The following OSMR variants were observed in gnomAD, a reference collection of about 807,000 sequenced individuals.
OSMR encodes the protein oncostatin M receptor, also known as oncostatin-M-specific receptor subunit beta.
Under a neutral mutation model 99.9 loss-of-function variants are expected in OSMR, and 81 were observed. The observed-to-expected ratio is 0.81, with a 90% confidence interval of 0.68 to 0.97. The LOEUF is 0.97. OSMR is among the 50% of genes least tolerant of loss of function. The pLI is 0.00. For synonymous variants in OSMR, 406 were observed against 410.4 expected (o/e 0.99, Z 0.13); for missense variants, 1,099 against 1,153.4 (o/e 0.95, Z 0.68).
Position 38,884,022 on chromosome 5 carries a change from T to C in OSMR, c.614T>C (p.Phe205Ser). 6.2e-7 allele frequency: 1 copy of C among 1,613,894 alleles called. No individual in the cohort carries two copies. The highest frequency in any genetic ancestry group is 1.3e-5 in the African/African-American group (1 of 75,054). Residue 205 changes from phenylalanine to serine, a missense_variant, in exon 5 of 18, where the codon TTC (phenylalanine) becomes TCC (serine). By Grantham distance (155) the Phe-to-Ser change is radical (BLOSUM62 -2). Coordinates refer to ENST00000274276, the MANE Select transcript of OSMR (RefSeq NM_003999.3). ...GCATTCAACTTGAATAGTGTGCCTT[T>C]CATTAGGAATAAAGGGACAAATATC... ...VTAFNLNSVPFIRNKGTNIYC... is the reference protein window; with the variant it reads ...VTAFNLNSVPSIRNKGTNIYC...
At chr5:38,944,347 T>TGTA in intron 2 of OSMR, 1 of 1,217,198 alleles carries the variant, frequency 8.2e-7, no homozygotes, top group South Asian at 1.3e-5. Context: ...GAACTACTGA[T>TGTA]GTAAGTTAAC....
chr5:38,925,207 G>C lies in OSMR; in HGVS notation c.2048G>C (p.Gly683Ala). 6.2e-7 allele frequency: 1 copy of C among 1,613,792 alleles called. No homozygotes were observed. The highest frequency in any genetic ancestry group is 8.5e-7 in the Non-Finnish European group (1 of 1,179,888). Reference sequence around the variant, plus strand: ...AAAACCATTTAAAAAATCACAGATGGTTCAGAATGTTGCAAATACAAAATT... The same window carrying C: ...AAAACCATTTAAAAAATCACAGATGCTTCAGAATGTTGCAAATACAAAATT... ...PRFEKAVLSDGSECCKYKIDN... is the reference protein window; with the variant it reads ...PRFEKAVLSDASECCKYKIDN... Residue 683 changes from glycine (G) to alanine (A), a missense_variant, in exon 15 of 18, where the codon GGT (glycine) becomes GCT (alanine). By Grantham distance (60) the Gly-to-Ala change is moderately conservative. Transcript: ENST00000274276.
At chr5:38,893,138 C>T (rs954775716) in intron 7 of OSMR, among the ~76,000 whole-genome samples, 1 of 152,330 alleles carries the variant, frequency 6.6e-6, no homozygotes, top group Non-Finnish European at 1.5e-5. Context: ...GGCTCTTACC[C>T]GCAAGTGTCA....
chr5:38,874,531 A>G (rs1002244689), intron 2 of OSMR, among the ~76,000 whole-genome samples: 10 of 152,204 alleles, frequency 6.6e-5, no homozygotes, highest in Non-Finnish European at 2.9e-5. Flanking sequence ...ACCAATCACA[A>G]GAAAAACATC....
At chr5:38,846,932 T>G (rs770081136) in intron 1 of OSMR, among the ~76,000 whole-genome samples, 3 of 152,200 alleles carry the variant, frequency 2.0e-5, no homozygotes, top group Non-Finnish European at 4.4e-5. Flanking sequence ...TAGTTCTTCA[T>G]CTGCCCTTCA....
chr5:38,932,893 A>G lies in OSMR; in HGVS notation c.2389A>G (p.Met797Val). The G allele has an allele frequency of 6.2e-7, 1 of 1,613,990 alleles. No homozygotes were observed. Among genetic ancestry groups the G allele is most frequent in the Non-Finnish European group, 8.5e-7 (1 of 1,179,858 alleles). ...CTAGGAGAACCCTCACCTAATAATAATGAATGTCAGTGACTGTATCCCAGA... is the reference window on the plus strand; with the variant it reads ...CTAGGAGAACCCTCACCTAATAATAGTGAATGTCAGTGACTGTATCCCAGA... ...KFKENPHLII[M>V]NVSDCIPDAI... Residue 797 changes from methionine (M) to valine (V), a missense_variant, in exon 18 of 18, where the codon ATG becomes GTG. Physicochemically the swap from Met to Val is conservative, Grantham distance 21 (BLOSUM62 1). Transcript: ENST00000274276.
At position 38,919,039 on chromosome 5, in the gene OSMR, TC is replaced by T. The variant is rs1279479089; in HGVS notation, c.1563del (p.Ile522SerfsTer34). On this transcript the variant is annotated frameshift_variant, in exon 11 of 18. Coordinates refer to ENST00000274276, the MANE Select transcript of OSMR (RefSeq NM_003999.3). LOFTEE classifies it high-confidence loss of function. ...GGTGCTTCTCCTGCTTCTGTAATAG[TC>T]ATCTCTGCAGACCCCGAAAACAGTG... ...SVGASPASVIVISADPENKEV... is the reference protein window; with the variant it reads ...SVGASPASVIXISADPENKEV... 1.9e-6 allele frequency: 3 copies of T among 1,613,938 alleles called. No individual in the cohort carries two copies. Among genetic ancestry groups the T allele is most frequent in the African/African-American group, 2.7e-5 (2 of 74,924 alleles).
chr5:38,936,065 G>A (rs936904593), downstream of OSMR, among the ~76,000 whole-genome samples: 1 of 152,130 alleles, frequency 6.6e-6, no homozygotes, highest in Admixed American at 6.5e-5. Context: ...GTGCTATTCA[G>A]AAACTTTGAA....
At chr5:38,869,714 A>G (rs1742231941) in intron 2 of OSMR, among the ~76,000 whole-genome samples, 1 of 152,232 alleles carries the variant, frequency 6.6e-6, no homozygotes, top group African/African-American at 2.4e-5. Flanking sequence ...TAACTTTATA[A>G]ATAAGGTCAA....
downstream of OSMR, chr5:38,938,247 A>T (rs1747182707): frequency 4.4e-6 from 1 of 226,826 alleles, no homozygotes; most frequent in Non-Finnish European, 8.8e-6. Context: ...TAAATAAAAA[A>T]GAAGAAACTC....
chr5:38,865,869 A>C (rs1207816119), intron 1 of OSMR, among the ~76,000 whole-genome samples: 2 of 152,202 alleles, frequency 1.3e-5, no homozygotes, highest in East Asian at 3.8e-4. Context: ...CCCAGGCAGC[A>C]CACATGAGTG....
At chr5:38,924,335 G>T in intron 13 of OSMR, 87 bp from the exon 14 acceptor site, 1 of 1,599,542 alleles carries the variant, frequency 6.3e-7, no homozygotes, top group East Asian at 2.2e-5. Context: ...CTCCAGAGCT[G>T]GCTATGGTTC....
At chr5:38,941,478 C>T (rs770817811) in intron 1 of OSMR, 18 of 230,936 alleles carry the variant, frequency 7.8e-5, no homozygotes, top group Non-Finnish European at 1.5e-4. Flanking sequence ...CTGTTTAAAG[C>T]GATGAGATGG....
intron 11 of OSMR, 60 bp downstream of exon 11, chr5:38,919,122 TA>T: frequency 6.3e-7 from 1 of 1,589,248 alleles, no homozygotes. Flanking sequence ...ATGACGTTAT[TA>T]AGTAGTGATG....
chr5:38,863,988 T>C (rs1300374832), intron 1 of OSMR, among the ~76,000 whole-genome samples: 1 of 152,222 alleles, frequency 6.6e-6, no homozygotes, highest in Non-Finnish European at 1.5e-5. Flanking sequence ...TGCTTTTGAT[T>C]TCAATTTGCA....
downstream of OSMR, chr5:38,945,411 C>T: frequency 1.0e-6 from 1 of 970,094 alleles, no homozygotes; most frequent in Non-Finnish European, 1.6e-6. Flanking sequence ...AATTAGAATA[C>T]CAAAAAGAAA....
intron 15 of OSMR, among the ~76,000 whole-genome samples, chr5:38,928,437 C>T (rs796571053): frequency 4.6e-5 from 7 of 152,218 alleles, no homozygotes; most frequent in African/African-American, 1.7e-4. Flanking sequence ...GGAGGCCTCA[C>T]GAAACTTATA....
intron 1 of OSMR, among the ~76,000 whole-genome samples, chr5:38,848,219 C>T (rs1002117181): frequency 6.6e-6 from 1 of 152,084 alleles, no homozygotes; most frequent in African/African-American, 2.4e-5. Flanking sequence ...CCTCCTTTCG[C>T]TGGGGGAGAA....
At position 38,874,094 on chromosome 5, in the gene OSMR, A is replaced by G. The variant is rs140606937; in HGVS notation, c.74-2107A>G. Among the ~76,000 whole-genome samples, 41 of 152,256 alleles carry G rather than the reference A, an allele frequency of 2.7e-4. No individual in the cohort carries two copies. The East Asian group carries it at 7.7e-3, about 29-fold the overall frequency. ...CTTTGTCTTTTTGTTGCTGGTTTGTAAGAGTTCTTTATGTAGTATGGATAC... is the reference window on the plus strand; with the variant it reads ...CTTTGTCTTTTTGTTGCTGGTTTGTGAGAGTTCTTTATGTAGTATGGATAC... On this transcript the variant is annotated intron_variant, in intron 2 of 17. Transcript: ENST00000274276.
Sources: gnomAD v4.1 joint callset for allele counts (sites outside exome capture counted in the v4.1 genomes callset) on GRCh38, gnomAD v4.1.1 for gene constraint, MANE v1.5 for transcripts, NCBI Gene and HGNC (gene_info 2026-07-23, HGNC 2026-07-21) for gene names.